Variants in CELSR2 observed in about 807,000 individuals in gnomAD.
CELSR2 encodes the protein EGF-like protein 2.
Under a neutral mutation model 251.6 loss-of-function variants are expected in CELSR2, and 81 were observed. The observed-to-expected ratio is 0.32, with a 90% CI of 0.27 to 0.39. The LOEUF (loss-of-function observed/expected upper bound fraction) is 0.39, where lower values mean the gene tolerates loss of function less well. CELSR2 is among the 10% of genes least tolerant of loss of function. The probability of loss-of-function intolerance (pLI) is 1.00; values close to 1 mark genes in which losing one functional copy is unlikely to be tolerated. For missense variants in CELSR2, 3,365 were observed against 3,947.7 expected (o/e 0.85, Z 3.96); for synonymous variants, 1,721 against 1,670.5 (o/e 1.03, Z -0.74).
chr1:109,266,016 G>T, intron 14 of CELSR2, 89 bp from the exon 15 acceptor site: 2 of 1,585,348 alleles, frequency 1.3e-6, no homozygotes, highest in Non-Finnish European at 1.7e-6. Context: ...GCCTGGGGAG[G>T]CCTGGGGAGG....
At position 109,261,387 on chromosome 1, in the gene CELSR2, G is replaced by T; in HGVS notation, c.4181+123G>T. ...TGGAGCAGGCTGCCGGCAGAGCCAGGTCTGCTCTTGGAGTTGCCTGTGGTT... is the reference window on the plus strand; with the variant it reads ...TGGAGCAGGCTGCCGGCAGAGCCAGTTCTGCTCTTGGAGTTGCCTGTGGTT... On this transcript the variant is annotated intron_variant, in intron 3 of 33. Coordinates refer to ENST00000271332, the MANE Select transcript of CELSR2 (RefSeq NM_001408.3). This position sits in a 1 kb window ranked among gnomAD's most constrained non-coding sequence, Gnocchi z 4.8. 5 of 1,340,660 alleles carry T rather than the reference G, an allele frequency of 3.7e-6. No individual in the cohort carries two copies. The highest frequency in any genetic ancestry group is 5.3e-6 in the Non-Finnish European group (5 of 941,852). The allele number at this position is 1,340,660 out of a possible 1,614,324, so 83.0% of individuals were successfully genotyped here.
In CELSR2 at chr1:109,271,493, C is replaced by T; in HGVS notation, c.7784C>T (p.Ala2595Val). Residue 2595 changes from alanine (A) to valine (V), a missense_variant, in exon 27 of 34, where the codon GCT (alanine) becomes GTT (valine). Transcript: ENST00000271332. ...SDTLLFHYLFATCNCIQGPFI... is the reference protein window; with the variant it reads ...SDTLLFHYLFVTCNCIQGPFI... ...ACCCTCCTCTTCCACTACCTCTTTG[C>T]TACCTGCAATTGCATCCAGGTACCT... The T allele has an allele frequency of 3.1e-6, 5 of 1,614,190 alleles. No homozygotes were observed. Among genetic ancestry groups the T allele is most frequent in the Non-Finnish European group, 4.2e-6 (5 of 1,180,034 alleles).
At position 109,262,099 on chromosome 1, in the gene CELSR2, G is replaced by A. The variant is rs1197359657; in HGVS notation, c.4387-188G>A. Among the ~76,000 whole-genome samples, 4 of 152,236 alleles carry A rather than the reference G, an allele frequency of 2.6e-5. No individual in the cohort carries two copies. In the East Asian group the frequency reaches 7.7e-4, roughly 29 times the overall value. ...TCGATGCTCTCTGTTCCACTAGGCA[G>A]CCGCAAACTTGGACACTGAGGAAGG... On this transcript the variant is annotated intron_variant, in intron 5 of 33. Coordinates refer to ENST00000271332, the MANE Select transcript of CELSR2 (RefSeq NM_001408.3).
At chr1:109,262,252 C>A in intron 5 of CELSR2, 35 bp from the exon 6 acceptor site, 1 of 1,607,964 alleles carries the variant, frequency 6.2e-7, no homozygotes, top group South Asian at 1.1e-5. Context: ...GCTCTGTACT[C>A]AGTGTCCCCC....
At position 109,258,551 on chromosome 1, in the gene CELSR2, C is replaced by G. The variant is rs372445094; in HGVS notation, c.3430C>G (p.Pro1144Ala). ...CATGTCACCCGAGCGCTTCCTGTCA[C>G]CACTGCTAGGCCTCTTCATCCAGGC... ...EDMSPERFLS[P>A]LLGLFIQAVA... Residue 1144 changes from proline to alanine, a missense_variant, in exon 2 of 34, where the codon CCA (proline) becomes GCA (alanine). By Grantham distance (27) the Pro-to-Ala change is conservative (BLOSUM62 -1). This residue lies in a region of CELSR2 where 505 missense variants were observed against 660.0 expected (regional missense o/e 0.77). Transcript: ENST00000271332. 2 of 1,604,910 alleles carry G rather than the reference C, an allele frequency of 1.2e-6. No homozygotes were observed. Among genetic ancestry groups the G allele is most frequent in the African/African-American group, 2.7e-5 (2 of 74,788 alleles).
At chr1:109,258,252 C>T (rs1203094339) in intron 1 of CELSR2, among the ~76,000 whole-genome samples, 180 bp from the exon 2 acceptor site, 1 of 152,068 alleles carries the variant, frequency 6.6e-6, no homozygotes, top group Non-Finnish European at 1.5e-5. Context: ...GGAAAGGATG[C>T]AAAGAGAACT....
At position 109,251,786 on chromosome 1, in the gene CELSR2, C is replaced by T. The variant is rs1180517683; in HGVS notation, c.1707C>T (p.Asp569=). The T allele has an allele frequency of 6.2e-7, 1 of 1,613,948 alleles. No individual in the cohort carries two copies. Among genetic ancestry groups the T allele is most frequent in the Non-Finnish European group, 8.5e-7 (1 of 1,180,026 alleles). Reference sequence around the variant, plus strand: ...GGATCTCTGTGGCTGCTGAACTGGACCGGGAGGAAGTTGATTTCTACAGCT... The same window carrying T: ...GGATCTCTGTGGCTGCTGAACTGGATCGGGAGGAAGTTGATTTCTACAGCT... The part of the protein sequence containing the change: ...TGWISVAAEL[D]REEVDFYSFG... Residue 569 remains aspartate (D), a synonymous_variant, in exon 1 of 34, where the codon GAC becomes GAT. Transcript: ENST00000271332. The surrounding 1 kb of genome is among the most constrained non-coding windows in gnomAD (Gnocchi z 4.9).
At position 109,267,556 on chromosome 1, in the gene CELSR2, G is replaced by A. The variant is rs754042352; in HGVS notation, c.6022G>A (p.Val2008Met). The change falls in exon 16 of 34, where the codon GTG becomes ATG. Residue 2008 changes from valine (V) to methionine (M), a missense_variant. Coordinates refer to ENST00000271332, the MANE Select transcript of CELSR2 (RefSeq NM_001408.3). ...TGGCTTCCTTCCCCCAGGGACTGCTGTGCGCCACTGTGATGAGCACAGGGG... is the reference window on the plus strand; with the variant it reads ...TGGCTTCCTTCCCCCAGGGACTGCTATGCGCCACTGTGATGAGCACAGGGG... ...PCPKGSFGTA[V>M]RHCDEHRGWL... The A allele has an allele frequency of 4.3e-6, 7 of 1,614,010 alleles. No homozygotes were observed. In the South Asian group the frequency reaches 7.7e-5, roughly 18 times the overall value.
chr1:109,258,641 G>T lies in CELSR2; in HGVS notation c.3520G>T (p.Asp1174Tyr). The T allele has an allele frequency of 6.4e-7, 1 of 1,554,076 alleles. No individual in the cohort carries two copies. ...GGTCTTCAACGTACAGCGGGACACC[G>T]ACGCCCCCGGGGGCCACATCCTCAA... ...VVVFNVQRDT[D>Y]APGGHILNVS... The change falls in exon 2 of 34, where the codon GAC becomes TAC. Residue 1174 changes from aspartate to tyrosine, a missense_variant. Coordinates refer to ENST00000271332, the MANE Select transcript of CELSR2 (RefSeq NM_001408.3).
chr1:109,265,242 A>G lies in CELSR2; in HGVS notation c.5658A>G (p.Pro1886=). The G allele has an allele frequency of 6.2e-7, 1 of 1,613,026 alleles. No homozygotes were observed. The highest frequency in any genetic ancestry group is 1.1e-5 in the South Asian group (1 of 90,972). ...RGWWGHPTCG[P]CNCDVSKGFD... ...GGTGGGGACATCCCACATGTGGCCC[A>G]TGCAACTGTGATGTCAGCAAAGGCT... The change falls in exon 13 of 34, where the codon CCA becomes CCG. Residue 1886 remains proline, a synonymous_variant. Transcript: ENST00000271332.
chr1:109,260,988 G>A (rs1446145797), intron 2 of CELSR2, 54 bp from the exon 3 acceptor site: 25 of 1,430,438 alleles, frequency 1.7e-5, no homozygotes, highest in Non-Finnish European at 2.2e-5. Context: ...GGGGGTCTCA[G>A]TTCCCCTCCT....
chr1:109,268,803 G>T, intron 18 of CELSR2, 39 bp downstream of exon 18: 1 of 1,583,622 alleles, frequency 6.3e-7, no homozygotes, highest in Non-Finnish European at 8.6e-7. Flanking sequence ...GTTTGTGGAG[G>T]GAGTCCCCGA....
rs1234093402 is a variant in CELSR2, at chr1:109,261,281, T to C, written c.4181+17T>C. On this transcript the variant is annotated intron_variant, in intron 3 of 33. Transcript: ENST00000271332. This position sits in a 1 kb window ranked among gnomAD's most constrained non-coding sequence, Gnocchi z 4.8. ...GGCCCTCTCGTGAGTGGCTGGGCAC[T>C]GGGGGTGGGGAGTGGGCCTGGTGGG... 6.2e-7 allele frequency: 1 copy of C among 1,608,418 alleles called. No individual in the cohort carries two copies. Among genetic ancestry groups the C allele is most frequent in the East Asian group, 2.2e-5 (1 of 44,840 alleles).
chr1:109,271,752 G>A, intron 28 of CELSR2, 30 bp downstream of exon 28: 4 of 1,610,320 alleles, frequency 2.5e-6, no homozygotes, highest in Admixed American at 1.7e-5. Flanking sequence ...CAGGAGGGCG[G>A]TGAAGGGAGG....
At position 109,253,064 on chromosome 1, in the gene CELSR2, C is replaced by T; in HGVS notation, c.2985C>T (p.Val995=). ...AGGACCGGCCTGAGTACGTCCTGGT[C>T]ATCCAGGCCACGTCAGCTCCTCTGG... ...DYEDRPEYVL[V]IQATSAPLVS... is the part of the protein sequence containing the mutation. Residue 995 remains valine, a synonymous_variant, in exon 1 of 34, where the codon GTC becomes GTT. Coordinates refer to ENST00000271332, the MANE Select transcript of CELSR2 (RefSeq NM_001408.3). 1 of 1,613,502 alleles carries T rather than the reference C, an allele frequency of 6.2e-7. No individual in the cohort carries two copies. Among genetic ancestry groups the T allele is most frequent in the Non-Finnish European group, 8.5e-7 (1 of 1,180,040 alleles).
rs776440581 is a variant in CELSR2 at position 109,251,212 on chromosome 1, C to T, written c.1133C>T (p.Pro378Leu). Residue 378 changes from proline to leucine, a missense_variant, in exon 1 of 34, where the codon CCT (proline) becomes CTT (leucine). Physicochemically the swap from Pro to Leu is moderately conservative, Grantham distance 98. Coordinates refer to ENST00000271332, the MANE Select transcript of CELSR2 (RefSeq NM_001408.3). This position sits in a 1 kb window ranked among gnomAD's most constrained non-coding sequence, Gnocchi z 4.9. The stretch of plus-strand genomic sequence containing the variant: ...AGTGACCAGGGTCGGGACCCGGGTC[C>T]TCGGAGTACCACAGCCGCTGTTTTC... The part of the protein sequence containing the change: ...EASDQGRDPG[P>L]RSTTAAVFLS... The T allele has an allele frequency of 2.5e-6, 4 of 1,613,764 alleles. No individual in the cohort carries two copies. The highest frequency in any genetic ancestry group is 3.4e-6 in the Non-Finnish European group (4 of 1,180,014).
In CELSR2 at chr1:109,250,006, C is replaced by A. The variant is rs932499934; in HGVS notation, c.-74C>A. Reference sequence around the variant, plus strand: ...GGCGCCCTGGCCCGGGCATGAGGCGCGGCGGGGCCGGCAGGAGCCGGAGGA... The same window carrying A: ...GGCGCCCTGGCCCGGGCATGAGGCGAGGCGGGGCCGGCAGGAGCCGGAGGA... On this transcript the variant is annotated 5_prime_UTR_variant, in exon 1 of 34. Coordinates refer to ENST00000271332, the MANE Select transcript of CELSR2 (RefSeq NM_001408.3). This position sits in a 1 kb window ranked among gnomAD's most constrained non-coding sequence, Gnocchi z 4.4. 3.1e-5 allele frequency: 38 copies of A among 1,228,806 alleles called. No individual in the cohort carries two copies. In the Middle Eastern group the frequency reaches 1.3e-3, roughly 41 times the overall value. The allele number at this position is 1,228,806 out of a possible 1,614,324, so 76.1% of individuals were successfully genotyped here.
In CELSR2 at chr1:109,270,268, T is replaced by C. The variant is rs1656331823; in HGVS notation, c.7308+135T>C. 6.3e-6 allele frequency: 8 copies of C among 1,268,700 alleles called. No individual in the cohort carries two copies. The East Asian group carries it at 1.9e-4, about 30-fold the overall frequency. The allele number at this position is 1,268,700 out of a possible 1,614,324, so 78.6% of individuals were successfully genotyped here. A position where few individuals can be genotyped will look rare whatever the true frequency, so the allele number is the denominator to read the frequency against. ...GCAGCACCTGGCCCAGGGTTTCCTC[T>C]TCTGTGGCTCCCCCGGGATCCCCCA... On this transcript the variant is annotated intron_variant, in intron 23 of 33. Coordinates refer to ENST00000271332, the MANE Select transcript of CELSR2 (RefSeq NM_001408.3).
rs1342234207 is a variant in CELSR2, at chr1:109,273,510, A to G, written c.8584A>G (p.Thr2862Ala). The change falls in exon 33 of 34, where the codon ACA becomes GCA. Residue 2862 changes from threonine to alanine, a missense_variant. Transcript: ENST00000271332. ...CCTGCGGCTCCCCCTGGAGCAATGC[A>G]CAGGGTCTTCCCGGGGCTCCTCCGC... ...SLLRLPLEQC[T>A]GSSRGSSASE... The G allele has an allele frequency of 2.5e-6, 4 of 1,608,634 alleles. No homozygotes were observed. In the East Asian group the frequency reaches 6.7e-5, roughly 27 times the overall value.
Sources: gnomAD v4.1 joint callset for allele counts (sites outside exome capture counted in the v4.1 genomes callset) on GRCh38, gnomAD v4.1.1 for gene constraint, gnomAD v4.1.1 regional missense constraint, Gnocchi (gnomAD v3.1) non-coding constraint, MANE v1.5 for transcripts, NCBI Gene and HGNC (gene_info 2026-07-23, HGNC 2026-07-21) for gene names.